VPS8: variants seen among roughly 807,000 people sequenced by gnomAD.
VPS8 encodes VPS8 subunit of CORVET complex.
Under a neutral mutation model 216.4 loss-of-function variants are expected in VPS8, and 129 were observed. The observed-to-expected ratio is 0.60, with a 90% CI of 0.52 to 0.69. The LOEUF is 0.69. VPS8 is among the 30% of genes least tolerant of loss of function. The pLI is 0.00. For missense variants in VPS8, 1,531 were observed against 1,683.5 expected (o/e 0.91, Z 1.59); for synonymous variants, 571 against 565.4 (o/e 1.01, Z -0.14).
chr3:184,896,677 A>G (rs2108954842), intron 23 of VPS8, among the ~76,000 whole-genome samples: 1 of 152,348 alleles, frequency 6.6e-6, no homozygotes, highest in South Asian at 2.1e-4. Context: ...ACTGAATGTC[A>G]GGCTCTGAGG....
chr3:184,999,769 T>C lies in VPS8; in HGVS notation c.3910T>C (p.Trp1304Arg), dbSNP rs1160452186. The change falls in exon 45 of 48, where the codon TGG becomes CGG. Residue 1304 changes from tryptophan to arginine, a missense_variant. By Grantham distance (101) the Trp-to-Arg change is moderately radical. Around this residue, in one of 3 missense-constraint regions of VPS8, gnomAD observed 1,318 missense variants for 1,468.4 expected, o/e 0.90. Coordinates refer to ENST00000625842, the MANE Select transcript of VPS8 (RefSeq NM_001009921.3). ...TGTGGAATTTGAGGGCCAAACAAGA[T>C]GGACATGCTACAAATGCAGTTCAAG... ...CTVEFEGQTRWTCYKCSSSNK... is the reference protein window; with the variant it reads ...CTVEFEGQTRRTCYKCSSSNK... 7 of 1,613,270 alleles carry C rather than the reference T, an allele frequency of 4.3e-6. No individual in the cohort carries two copies. The highest frequency in any genetic ancestry group is 4.0e-5 in the African/African-American group (3 of 75,034).
chr3:185,031,486 T>C (rs1269205445), intron 46 of VPS8, among the ~76,000 whole-genome samples: 1 of 152,196 alleles, frequency 6.6e-6, no homozygotes, highest in Non-Finnish European at 1.5e-5. Context: ...TCTTTGTTTT[T>C]GCATCGGCAG....
At chr3:184,923,209 T>G (rs1738962217) in intron 29 of VPS8, among the ~76,000 whole-genome samples, 2 of 152,046 alleles carry the variant, frequency 1.3e-5, no homozygotes, top group South Asian at 4.1e-4. Context: ...TATACCCTGA[T>G]TTGTTGTAGA....
chr3:184,827,522 G>T (rs1719049468), intron 3 of VPS8, among the ~76,000 whole-genome samples: 1 of 152,176 alleles, frequency 6.6e-6, no homozygotes, highest in Non-Finnish European at 1.5e-5. Flanking sequence ...AGTCAGTTTT[G>T]TTAAAATGGC....
intron 44 of VPS8, 80 bp downstream of exon 44, chr3:184,996,581 C>T (rs182344530): frequency 2.1e-4 from 305 of 1,458,900 alleles, no homozygotes; most frequent in Admixed American, 4.8e-4. Flanking sequence ...CATGGATACA[C>T]GGGTAGTCAT....
At chr3:184,904,346 G>A (rs1475915314) in intron 25 of VPS8, among the ~76,000 whole-genome samples, 1 of 152,174 alleles carries the variant, frequency 6.6e-6, no homozygotes, top group Non-Finnish European at 1.5e-5. Context: ...TAAATTTGAT[G>A]TAGATGGTCT....
chr3:184,974,144 T>G (rs1407322850), intron 40 of VPS8, among the ~76,000 whole-genome samples: 1 of 152,200 alleles, frequency 6.6e-6, no homozygotes, highest in Admixed American at 6.5e-5. Context: ...CCAAAATGGC[T>G]GTACTAATTT....
At chr3:184,983,245 C>T (rs557536828) in intron 42 of VPS8, among the ~76,000 whole-genome samples, 151 bp downstream of exon 42, 2 of 152,128 alleles carry the variant, frequency 1.3e-5, no homozygotes, top group African/African-American at 2.4e-5. Flanking sequence ...ATCTAACTTC[C>T]GACCCTCATT....
At chr3:184,877,804 G>C (rs1729552013) in intron 21 of VPS8, among the ~76,000 whole-genome samples, 1 of 152,294 alleles carries the variant, frequency 6.6e-6, no homozygotes, top group South Asian at 2.1e-4. Context: ...AGAGGACTAA[G>C]TAATTTATGA....
intron 25 of VPS8, among the ~76,000 whole-genome samples, chr3:184,908,612 G>A (rs1402296860): frequency 6.6e-6 from 1 of 152,226 alleles, no homozygotes; most frequent in Non-Finnish European, 1.5e-5. Context: ...CATTGTGTGG[G>A]GTGGCTGCCC....
At chr3:184,882,736 AAT>A (rs774942639) in intron 21 of VPS8, among the ~76,000 whole-genome samples, 2 of 152,132 alleles carry the variant, frequency 1.3e-5, no homozygotes, top group Non-Finnish European at 2.9e-5. Context: ...CAATTTCCTT[AAT>A]AACTATAGGG....
At chr3:185,034,617 T>C (rs948216696) in intron 46 of VPS8, among the ~76,000 whole-genome samples, 5 of 135,974 alleles carry the variant, frequency 3.7e-5, no homozygotes, top group Non-Finnish European at 7.7e-5. Flanking sequence ...GTTTTGTTGT[T>C]GTTGTTGTTG....
Position 184,971,688 on chromosome 3 carries a change from C to A in VPS8, c.3356C>A (p.Thr1119Asn). 1 of 1,613,498 alleles carries A rather than the reference C, an allele frequency of 6.2e-7. No individual in the cohort carries two copies. Among genetic ancestry groups the A allele is most frequent in the Non-Finnish European group, 8.5e-7 (1 of 1,179,618 alleles). ...EDPSLKDVED[T>N]MVETIALCQR... Reference sequence around the variant, plus strand: ...CCCTCATTGAAGGATGTTGAAGATACTATGGTGGAGACCATTGCTCTTTGC... The same window carrying A: ...CCCTCATTGAAGGATGTTGAAGATAATATGGTGGAGACCATTGCTCTTTGC... The change falls in exon 40 of 48, where the codon ACT becomes AAT. Residue 1119 changes from threonine (T) to asparagine (N), a missense_variant. Coordinates refer to ENST00000625842, the MANE Select transcript of VPS8 (RefSeq NM_001009921.3).
At chr3:184,967,635 C>G (rs562120442) in intron 39 of VPS8, among the ~76,000 whole-genome samples, 1 of 151,922 alleles carries the variant, frequency 6.6e-6, no homozygotes, top group Non-Finnish European at 1.5e-5. Context: ...GTCAGGAGTT[C>G]GAGATCAGCC....
At chr3:185,039,878 T>G (rs544741407) in intron 46 of VPS8, among the ~76,000 whole-genome samples, 94 of 152,280 alleles carry the variant, frequency 6.2e-4, no homozygotes, top group Non-Finnish European at 1.2e-3. Context: ...TCAACCTGTT[T>G]TTTAATCTCA....
intron 25 of VPS8, among the ~76,000 whole-genome samples, chr3:184,906,586 A>T (rs147361999): frequency 6.6e-6 from 1 of 152,224 alleles, no homozygotes; most frequent in Non-Finnish European, 1.5e-5. Context: ...CAAAAACCCA[A>T]TGAGGTACAG....
At chr3:184,839,347 C>A in intron 6 of VPS8, 1 of 230,524 alleles carries the variant, frequency 4.3e-6, no homozygotes, top group South Asian at 7.3e-5. Context: ...TTCCCCATGC[C>A]TCGTAGGAAG....
Position 184,840,043 on chromosome 3 carries a change from A to G in VPS8, c.535+291A>G, listed in dbSNP as rs1356735097. ...AAGTTGAAGGGAACCTTGGGTTATCATCTTGTCTGCCTCCGGTTGTTGGTG... is the reference window on the plus strand; with the variant it reads ...AAGTTGAAGGGAACCTTGGGTTATCGTCTTGTCTGCCTCCGGTTGTTGGTG... On this transcript the variant is annotated intron_variant, in intron 7 of 47. Transcript: ENST00000625842. 4 of 478,346 alleles carry G rather than the reference A, an allele frequency of 8.4e-6. 1 individual carries two copies. Among genetic ancestry groups the G allele is most frequent in the Non-Finnish European group, 1.1e-5 (4 of 348,948 alleles). The allele number at this position is 478,346 out of a possible 1,614,324, so 29.6% of individuals were successfully genotyped here. A position where few individuals can be genotyped will look rare whatever the true frequency, so the allele number is the denominator to read the frequency against.
intron 36 of VPS8, among the ~76,000 whole-genome samples, chr3:184,956,848 A>G (rs1056292401): frequency 1.3e-5 from 2 of 152,226 alleles, no homozygotes; most frequent in African/African-American, 4.8e-5. Flanking sequence ...AGTCCTCACT[A>G]TGTGCAAGAC....
Sources: allele counts gnomAD v4.1 joint callset (sites outside exome capture counted in the v4.1 genomes callset), GRCh38; gene constraint gnomAD v4.1.1; regional missense constraint gnomAD v4.1.1; transcripts MANE v1.5; gene names NCBI Gene and HGNC (gene_info 2026-07-23, HGNC 2026-07-21).